Variants in EGFR observed in about 807,000 individuals in gnomAD.
EGFR encodes avian erythroblastic leukemia viral (v-erb-b) oncogene homolog.
A neutral mutation model predicts 143.0 loss-of-function variants in EGFR; 58 were observed. The observed-to-expected ratio is 0.41, with a 90% confidence interval of 0.33 to 0.50. EGFR has a LOEUF of 0.50. EGFR is among the 20% of genes least tolerant of loss of function. EGFR has a pLI of 0.39. For missense variants in EGFR, 1,307 were observed against 1,579.0 expected, an observed-to-expected ratio of 0.83 and a Z score of 2.92; for synonymous variants, 613 against 594.4, an observed-to-expected ratio of 1.03 and a Z score of -0.45.
At position 55,206,070 on chromosome 7, in the gene EGFR, A is replaced by C. The variant is rs1788096686; in HGVS notation, c.*453A>C. On this transcript the variant is annotated 3_prime_UTR_variant, in exon 28 of 28. Transcript: ENST00000275493. ...CAACTGTGAGCAAGGAGCACAAGCC[A>C]CAAGTCTTCCAGAGGATGCTTGATT... is the stretch of plus-strand genomic sequence containing the variant. 8.8e-6 allele frequency: 3 copies of C among 339,950 alleles called. No individual in the cohort carries two copies. The highest frequency in any genetic ancestry group is 8.6e-4 in the Middle Eastern group (1 of 1,168). The allele number at this position is 339,950 out of a possible 1,614,324, so 21.1% of individuals were successfully genotyped here. A position where few individuals can be genotyped will look rare whatever the true frequency, so the allele number is the denominator to read the frequency against.
At chr7:55,200,214 T>A in intron 23 of EGFR, 102 bp from the exon 24 acceptor site, 1 of 1,118,374 alleles carries the variant, frequency 8.9e-7, no homozygotes, top group Non-Finnish European at 1.4e-6. Context: ...ATCACTTATT[T>A]GACTGGAAGT....
At chr7:55,195,957 T>C (rs1787595017) in intron 22 of EGFR, among the ~76,000 whole-genome samples, 1 of 152,186 alleles carries the variant, frequency 6.6e-6, no homozygotes, top group African/African-American at 2.4e-5. Context: ...GTCTTTGCTA[T>C]TGTAAATAGT....
chr7:55,028,253 C>G (rs1787050103), intron 1 of EGFR, among the ~76,000 whole-genome samples: 1 of 151,886 alleles, frequency 6.6e-6, no homozygotes, highest in Non-Finnish European at 1.5e-5. Context: ...TTCCTTTACT[C>G]CAGGTTTTGG....
At chr7:55,110,961 GT>G (rs1235295857) in intron 1 of EGFR, among the ~76,000 whole-genome samples, 4 of 152,240 alleles carry the variant, frequency 2.6e-5, no homozygotes, top group Non-Finnish European at 4.4e-5. Flanking sequence ...AGCGAATGGA[GT>G]TTTGGGGGTT....
At chr7:55,170,493 C>G (rs2128950787) in intron 15 of EGFR, 1 of 1,614,024 alleles carries the variant, frequency 6.2e-7, no homozygotes, top group East Asian at 2.2e-5. Context: ...GCAGCCACCT[C>G]CATGCCTGGC....
intron 1 of EGFR, among the ~76,000 whole-genome samples, chr7:55,086,465 A>G (rs2128892566): frequency 6.6e-6 from 1 of 152,376 alleles, no homozygotes; most frequent in African/African-American, 2.4e-5. Context: ...GCTTCTTGGA[A>G]TAAGACCAAG....
At chr7:55,076,905 G>T (rs1353185275) in intron 1 of EGFR, among the ~76,000 whole-genome samples, 1 of 151,948 alleles carries the variant, frequency 6.6e-6, no homozygotes, top group Non-Finnish European at 1.5e-5. Flanking sequence ...AAATAAAACA[G>T]TTAGGGAATG....
intron 1 of EGFR, among the ~76,000 whole-genome samples, chr7:55,095,659 C>T (rs1419004106): frequency 2.0e-5 from 3 of 151,992 alleles, no homozygotes; most frequent in Non-Finnish European, 2.9e-5. Flanking sequence ...TACACACAGA[C>T]ATGCTCACAA....
At chr7:55,153,139 G>C (rs796197590) in intron 6 of EGFR, among the ~76,000 whole-genome samples, 16 of 152,342 alleles carry the variant, frequency 1.1e-4, no homozygotes, top group African/African-American at 3.8e-4. Context: ...GGCTGGGGCT[G>C]GGTTAGGGCC....
At chr7:55,115,528 A>C (rs560782212) in intron 1 of EGFR, among the ~76,000 whole-genome samples, 1 of 152,228 alleles carries the variant, frequency 6.6e-6, no homozygotes, top group Non-Finnish European at 1.5e-5. Context: ...TCTCTTAAAA[A>C]TAGATTTTAT....
intron 1 of EGFR, among the ~76,000 whole-genome samples, chr7:55,058,004 T>C (rs1788929539): frequency 6.6e-6 from 1 of 152,254 alleles, no homozygotes; most frequent in African/African-American, 2.4e-5. Context: ...ATGTAGTATA[T>C]TTAAAATCAT....
chr7:55,025,471 C>CAGGGAAGGGA (rs534620721), intron 1 of EGFR, among the ~76,000 whole-genome samples: 2 of 151,864 alleles, frequency 1.3e-5, no homozygotes, highest in African/African-American at 4.8e-5. Flanking sequence ...AATGGGACTG[C>CAGGGAAGGGA]AGGGAAGGGA....
intron 1 of EGFR, among the ~76,000 whole-genome samples, chr7:55,063,615 C>A (rs1445503315): frequency 6.6e-6 from 1 of 152,124 alleles, no homozygotes; most frequent in Non-Finnish European, 1.5e-5. Context: ...TGAGATGGGG[C>A]CATCTTGAAT....
At chr7:55,063,845 T>C (rs1329677308) in intron 1 of EGFR, among the ~76,000 whole-genome samples, 2 of 152,216 alleles carry the variant, frequency 1.3e-5, no homozygotes, top group Non-Finnish European at 2.9e-5. Flanking sequence ...AAATGCCAGC[T>C]GCTCACTTCT....
At chr7:55,065,830 CTTTTT>C (rs35171442) in intron 1 of EGFR, among the ~76,000 whole-genome samples, 2 of 120,470 alleles carry the variant, frequency 1.7e-5, no homozygotes, top group African/African-American at 6.4e-5. Context: ...GACTAAGTGG[CTTTTT>C]TTTTTTTTTT....
intron 1 of EGFR, among the ~76,000 whole-genome samples, chr7:55,133,599 C>A (rs1020472845): frequency 4.6e-5 from 7 of 152,242 alleles, no homozygotes; most frequent in African/African-American, 1.7e-4. Flanking sequence ...TCTGAGCTCA[C>A]CTTTGGTGAT....
intron 1 of EGFR, among the ~76,000 whole-genome samples, chr7:55,046,294 T>C (rs942306766): frequency 6.6e-6 from 1 of 152,228 alleles, no homozygotes. Context: ...TTGGCATTAG[T>C]AGATTGAAAA....
intron 1 of EGFR, among the ~76,000 whole-genome samples, chr7:55,050,818 T>TA (rs1788444909): frequency 6.6e-6 from 1 of 152,086 alleles, no homozygotes; most frequent in South Asian, 2.1e-4. Flanking sequence ...TTTCAAAAAA[T>TA]AAAAAACCCA....
intron 11 of EGFR, among the ~76,000 whole-genome samples, chr7:55,159,133 A>G (rs1265919576): frequency 6.6e-6 from 1 of 151,766 alleles, no homozygotes; most frequent in East Asian, 1.9e-4. Flanking sequence ...CCCTCCCCAA[A>G]CCAGCCCAGC....
Sources: gnomAD v4.1 joint callset for allele counts (sites outside exome capture counted in the v4.1 genomes callset) on GRCh38, gnomAD v4.1.1 for gene constraint, MANE v1.5 for transcripts, NCBI Gene and HGNC (gene_info 2026-07-23, HGNC 2026-07-21) for gene names.